The following LIMS2 variants were observed in gnomAD, a reference collection of about 807,000 sequenced individuals.
LIMS2 encodes LIM zinc finger domain containing 2.
In LIMS2, 30 loss-of-function variants were observed where a neutral mutation model predicts 45.3. The observed-to-expected ratio is 0.66, with a 90% CI of 0.50 to 0.90. The LOEUF (loss-of-function observed/expected upper bound fraction) is 0.90. Among genes scored for constraint, LIMS2 ranks in the 40% least tolerant of loss-of-function variants. LIMS2 has a pLI of 0.00. For missense variants in LIMS2, 485 were observed against 468.7 expected, an observed-to-expected ratio of 1.03 and a Z score of -0.32; for synonymous variants, 173 against 188.0, an observed-to-expected ratio of 0.92 and a Z score of 0.65.
chr2:127,651,148 A>G (rs1470689120), intron 4 of LIMS2: 1 of 1,613,188 alleles, frequency 6.2e-7, no homozygotes. Flanking sequence ...CACCCGGTCA[A>G]GTCCCTCAAG....
intron 1 of LIMS2, among the ~76,000 whole-genome samples, chr2:127,666,849 T>A (rs77173899): frequency 5.9e-5 from 9 of 152,228 alleles, no homozygotes; most frequent in African/African-American, 2.2e-4. Context: ...GCAGATCTTG[T>A]GAGAACTCAC....
intron 7 of LIMS2, chr2:127,640,679 C>CA (rs1299233672): frequency 6.7e-6 from 4 of 599,724 alleles, no homozygotes; most frequent in Non-Finnish European, 8.9e-6. Context: ...CGGGACCTCA[C>CA]ACCAGCCCCA....
chr2:127,663,430 C>T (rs978554561), intron 1 of LIMS2, among the ~76,000 whole-genome samples: 2 of 152,218 alleles, frequency 1.3e-5, no homozygotes, highest in African/African-American at 4.8e-5. Context: ...TCGGTGCCCT[C>T]CTTCCTCTTC....
At chr2:127,652,688 T>C (rs2105283491) in intron 4 of LIMS2, 1 of 153,870 alleles carries the variant, frequency 6.5e-6, no homozygotes, top group Middle Eastern at 3.4e-3. Context: ...AGAACTTCTC[T>C]GACCCAAGAA....
intron 6 of LIMS2, 117 bp from the exon 7 acceptor site, chr2:127,641,105 T>G: frequency 1.3e-6 from 1 of 749,682 alleles, no homozygotes; most frequent in East Asian, 2.6e-5. Context: ...GGGACCACAG[T>G]GGCCCCAGGA....
chr2:127,646,873 A>C (rs1683046782), intron 4 of LIMS2, among the ~76,000 whole-genome samples: 1 of 152,380 alleles, frequency 6.6e-6, no homozygotes, highest in South Asian at 2.1e-4. Flanking sequence ...GGCCCATCTC[A>C]GACCAAACTG....
At position 127,642,193 on chromosome 2, in the gene LIMS2, C is replaced by A. The variant is rs1377141952; in HGVS notation, c.516G>T (p.Glu172Asp). The A allele has an allele frequency of 7.1e-6, 11 of 1,555,798 alleles. No homozygotes were observed. The highest frequency in any genetic ancestry group is 1.7e-4 in the Middle Eastern group (1 of 5,732). Reference protein sequence around the residue: ...DHFNCTHCGKELTAEARELKG... With the variant: ...DHFNCTHCGKDLTAEARELKG... ...TCAGCTCGCGGGCCTCGGCTGTCAGCTCCTTCCTGGAAGACAGCGTGCAGC... is the reference window on the plus strand; with the variant it reads ...TCAGCTCGCGGGCCTCGGCTGTCAGATCCTTCCTGGAAGACAGCGTGCAGC... The change falls in exon 6 of 10, where the codon GAG becomes GAT. Residue 172 changes from glutamate (E) to aspartate (D), a missense_variant. By Grantham distance (45) the Glu-to-Asp change is conservative. Coordinates refer to ENST00000355119, the MANE Select transcript of LIMS2 (RefSeq NM_001161403.3). The surrounding 1 kb of genome is among the most constrained non-coding windows in gnomAD (Gnocchi z 5.3).
intron 7 of LIMS2, 51 bp downstream of exon 7, chr2:127,640,845 C>T (rs1486802507): frequency 6.5e-7 from 1 of 1,547,470 alleles, no homozygotes; most frequent in Admixed American, 1.7e-5. Flanking sequence ...CGGCAGCTCT[C>T]CTGGCCACCC....
Position 127,642,434 on chromosome 2 carries a change from C to T in LIMS2, c.510-235G>A, listed in dbSNP as rs1682519730. ...GAGTGGGCTGTGTTCTGCACCCAGG[C>T]CTCTGAGAAGCAGGTCTGTTCTTGG... is the stretch of plus-strand genomic sequence containing the variant. On this transcript the variant is annotated intron_variant, in intron 5 of 9. Transcript: ENST00000355119. This position sits in a 1 kb window ranked among gnomAD's most constrained non-coding sequence, Gnocchi z 5.3. 1 of 454,290 alleles carries T rather than the reference C, an allele frequency of 2.2e-6. No homozygotes were observed. Among genetic ancestry groups the T allele is most frequent in the Non-Finnish European group, 3.8e-6 (1 of 260,104 alleles). The allele number at this position is 454,290 out of a possible 1,614,324, so 28.1% of individuals were successfully genotyped here.
chr2:127,650,866 T>C (rs1432239121), intron 4 of LIMS2: 4 of 1,614,142 alleles, frequency 2.5e-6, no homozygotes, highest in Non-Finnish European at 3.4e-6. Context: ...GATTTTATCC[T>C]GGCTTTAGTT....
At position 127,664,370 on chromosome 2, in the gene LIMS2, C is replaced by G; in HGVS notation, c.12-6808G>C. 1 of 1,215,022 alleles carries G rather than the reference C, an allele frequency of 8.2e-7. No individual in the cohort carries two copies. Among genetic ancestry groups the G allele is most frequent in the Non-Finnish European group, 1.0e-6 (1 of 977,246 alleles). The allele number at this position is 1,215,022 out of a possible 1,614,324, so 75.3% of individuals were successfully genotyped here. ...CGGTACAGCCCCGACGCGGCCAGCG[C>G]ACCCAGCCGGGCCGCCATGGCGCGG... On this transcript the variant is annotated intron_variant, in intron 1 of 9. Transcript: ENST00000355119. The surrounding 1 kb of genome is among the most constrained non-coding windows in gnomAD (Gnocchi z 5.5).
chr2:127,673,832 C>T, intron 1 of LIMS2: 1 of 1,171,772 alleles, frequency 8.5e-7, no homozygotes, highest in Non-Finnish European at 1.2e-6. Context: ...TAGGGGGTGA[C>T]CACAGGCAGC....
chr2:127,652,696 G>A (rs1683934622), intron 4 of LIMS2: 1 of 153,278 alleles, frequency 6.5e-6, no homozygotes, highest in Non-Finnish European at 1.5e-5. Context: ...TCTGACCCAA[G>A]AATGGTGAAG....
At position 127,664,261 on chromosome 2, in the gene LIMS2, T is replaced by C; in HGVS notation, c.12-6699A>G. 1 of 1,226,918 alleles carries C rather than the reference T, an allele frequency of 8.2e-7. No homozygotes were observed. The highest frequency in any genetic ancestry group is 1.0e-6 in the Non-Finnish European group (1 of 984,668). The allele number at this position is 1,226,918 out of a possible 1,614,324, so 76.0% of individuals were successfully genotyped here. A position where few individuals can be genotyped will look rare whatever the true frequency, so the allele number is the denominator to read the frequency against. On this transcript the variant is annotated intron_variant, in intron 1 of 9. Coordinates refer to ENST00000355119, the MANE Select transcript of LIMS2 (RefSeq NM_001161403.3). This position sits in a 1 kb window ranked among gnomAD's most constrained non-coding sequence, Gnocchi z 5.5. ...GAAGGCCTGCCCTGCCGCCGCAGCT[T>C]TCCGGCCATTGTCCCCGCCACCCGC...
chr2:127,657,599 G>C, intron 1 of LIMS2, 37 bp from the exon 2 acceptor site: 1 of 1,560,766 alleles, frequency 6.4e-7, no homozygotes, highest in Non-Finnish European at 8.7e-7. Flanking sequence ...GTCAGAGCTG[G>C]TCAGGGGTGC....
chr2:127,671,698 C>A lies in LIMS2; in HGVS notation c.11+3316G>T, dbSNP rs547224003. ...GATCAGTCCCTCCATCCCTATTATG[C>A]CACTGGCCGGCTAGAAGGGGCCAGT... On this transcript the variant is annotated intron_variant, in intron 1 of 9. Coordinates refer to ENST00000355119, the MANE Select transcript of LIMS2 (RefSeq NM_001161403.3). The surrounding 1 kb of genome is among the most constrained non-coding windows in gnomAD (Gnocchi z 4.1). Among the ~76,000 whole-genome samples, 10 of 152,328 alleles carry A rather than the reference C, an allele frequency of 6.6e-5. No homozygotes were observed. In the South Asian group the frequency reaches 1.4e-3, roughly 22 times the overall value.
intron 8 of LIMS2, 24 bp downstream of exon 8, chr2:127,640,246 G>T (rs369196530): frequency 7.4e-6 from 12 of 1,612,862 alleles, no homozygotes; most frequent in Admixed American, 3.3e-5. Context: ...CAGGTGGGGT[G>T]GGGGAGGGAA....
intron 4 of LIMS2, chr2:127,644,073 T>TA (rs1335197476): frequency 2.2e-6 from 1 of 456,542 alleles, no homozygotes; most frequent in Non-Finnish European, 4.4e-6. Context: ...CAGGACCTGC[T>TA]ACTGCTGGGT....
intron 1 of LIMS2, among the ~76,000 whole-genome samples, chr2:127,661,502 T>C (rs1234569091): frequency 6.6e-6 from 1 of 152,224 alleles, no homozygotes; most frequent in Non-Finnish European, 1.5e-5. Flanking sequence ...GGACATTCCA[T>C]GTCCTCCTTT....
Sources: allele counts gnomAD v4.1 joint callset (sites outside exome capture counted in the v4.1 genomes callset), GRCh38; gene constraint gnomAD v4.1.1; non-coding constraint Gnocchi (gnomAD v3.1); transcripts MANE v1.5; gene names NCBI Gene and HGNC (gene_info 2026-07-23, HGNC 2026-07-21).